PRELID2: variants seen among roughly 807,000 people sequenced by gnomAD.
PRELID2 encodes the protein PRELI domain containing 2, also known as PRELI domain-containing protein 2.
Under a neutral mutation model 28.4 loss-of-function variants are expected in PRELID2, and 25 were observed. That is an observed-to-expected ratio of 0.88 (90% CI 0.64 to 1.23). PRELID2 has a LOEUF of 1.23. Among genes scored for constraint, PRELID2 ranks in the 50% most tolerant of loss-of-function variants. The pLI is 0.00. For missense variants in PRELID2, 201 were observed against 214.4 expected (o/e 0.94, Z 0.39); for synonymous variants, 76 against 71.6 (o/e 1.06, Z -0.31).
At chr5:145,572,407 T>C (rs1236357120) in intron 1 of PRELID2, among the ~76,000 whole-genome samples, 1 of 152,184 alleles carries the variant, frequency 6.6e-6, no homozygotes, top group Non-Finnish European at 1.5e-5. Context: ...TTCACAGAGT[T>C]CTATTCTTTT....
At chr5:145,696,156 C>CTTTTTTTTTTTTTTT (rs10591669) in intron 1 of PRELID2, among the ~76,000 whole-genome samples, 14 of 60,004 alleles carry the variant, frequency 2.3e-4, no homozygotes, top group African/African-American at 2.0e-4. Flanking sequence ...TAAATAATAG[C>CTTTTTTTTTTTTTTT]TTTTTTTTTT....
chr5:145,395,838 C>T, the PRELID2 span, among the ~76,000 whole-genome samples: 2 of 152,124 alleles, frequency 1.3e-5, no homozygotes, highest in African/African-American at 4.8e-5. Flanking sequence ...GCCAGCCACT[C>T]ATGTTAAAAT....
intron 1 of PRELID2, among the ~76,000 whole-genome samples, chr5:145,654,273 A>G (rs1754352209): frequency 6.6e-6 from 1 of 152,212 alleles, no homozygotes; most frequent in South Asian, 2.1e-4. Flanking sequence ...TACCAGCCAA[A>G]AAAAGTCCAG....
chr5:145,445,328 G>A, the PRELID2 span, among the ~76,000 whole-genome samples: 1 of 151,994 alleles, frequency 6.6e-6, no homozygotes, highest in East Asian at 1.9e-4. Flanking sequence ...CTATTCATAT[G>A]CAGAAGAATA....
chr5:145,394,218 T>G, the PRELID2 span, among the ~76,000 whole-genome samples: 1 of 152,168 alleles, frequency 6.6e-6, no homozygotes, highest in Non-Finnish European at 1.5e-5. Flanking sequence ...TAAGAAAATT[T>G]GGCACATATA....
the PRELID2 span, among the ~76,000 whole-genome samples, chr5:145,269,310 T>C: frequency 1.9e-3 from 288 of 152,244 alleles, no homozygotes; most frequent in African/African-American, 6.6e-3. Context: ...AAATAGATCA[T>C]TGAAACAATA....
At chr5:145,608,989 G>T (rs560663885) in intron 1 of PRELID2, among the ~76,000 whole-genome samples, 3 of 151,856 alleles carry the variant, frequency 2.0e-5, no homozygotes, top group African/African-American at 7.3e-5. Flanking sequence ...TTTGTCTGAC[G>T]GAGTTATTTT....
At chr5:145,405,667 G>T in the PRELID2 span, among the ~76,000 whole-genome samples, 2 of 147,224 alleles carry the variant, frequency 1.4e-5, no homozygotes. Flanking sequence ...GAAAGCACAA[G>T]CAAGAGACAG....
At chr5:145,456,807 T>C in the PRELID2 span, among the ~76,000 whole-genome samples, 1 of 152,162 alleles carries the variant, frequency 6.6e-6, no homozygotes, top group Non-Finnish European at 1.5e-5. Context: ...TAACAATCTT[T>C]TACAGTTTTC....
At chr5:145,819,384 TC>T in intron 3 of PRELID2, 2 of 1,602,852 alleles carry the variant, frequency 1.2e-6, no homozygotes, top group Non-Finnish European at 1.7e-6. Flanking sequence ...CTCACCTTTT[TC>T]CAACAAAGAA....
At chr5:145,499,938 C>T (rs961030585) in intron 1 of PRELID2, among the ~76,000 whole-genome samples, 6 of 152,174 alleles carry the variant, frequency 3.9e-5, no homozygotes, top group Non-Finnish European at 8.8e-5. Flanking sequence ...ACCTGTAAAC[C>T]CCACACTTGG....
chr5:145,487,847 C>T (rs1322280197), intron 1 of PRELID2, among the ~76,000 whole-genome samples: 2 of 151,336 alleles, frequency 1.3e-5, no homozygotes, highest in Admixed American at 6.6e-5. Context: ...AATTGGAGGC[C>T]GGGCGCGTGG....
At chr5:145,566,108 T>A (rs1752965314) in intron 1 of PRELID2, among the ~76,000 whole-genome samples, 1 of 152,166 alleles carries the variant, frequency 6.6e-6, no homozygotes, top group African/African-American at 2.4e-5. Flanking sequence ...GGACTTCTGC[T>A]ATACCACGCA....
At chr5:145,640,312 A>C in intron 1 of PRELID2, among the ~76,000 whole-genome samples, 1 of 150,928 alleles carries the variant, frequency 6.6e-6, no homozygotes, top group Non-Finnish European at 1.5e-5. Context: ...GTCTCTACTA[A>C]AAAAATACAA....
chr5:145,326,522 C>T, the PRELID2 span, among the ~76,000 whole-genome samples: 7 of 152,134 alleles, frequency 4.6e-5, no homozygotes, highest in South Asian at 2.1e-4. Flanking sequence ...TGTTTTGTCT[C>T]GTATATGTTT....
chr5:145,834,079 G>A (rs1235802517), intron 1 of PRELID2, among the ~76,000 whole-genome samples: 1 of 152,190 alleles, frequency 6.6e-6, no homozygotes, highest in Non-Finnish European at 1.5e-5. Flanking sequence ...CAGTCTTTGG[G>A]ATTCAGGGCT....
Position 145,781,676 on chromosome 5 carries a change from T to TTA in PRELID2, c.474+14764_474+14765dup, listed in dbSNP as rs560846857. Among the ~76,000 whole-genome samples, 41 of 145,726 alleles carry TTA rather than the reference T, an allele frequency of 2.8e-4. No individual in the cohort carries two copies. In the East Asian group the frequency reaches 7.9e-3, roughly 28 times the overall value. On this transcript the variant is annotated intron_variant, in intron 5 of 6. Transcript: ENST00000683046. The stretch of plus-strand genomic sequence containing the variant: ...ATATATACACACTATATATATACAC[T>TTA]TATATATATACACTATATATACTAT...
At chr5:145,641,196 C>T (rs1734762543) in intron 1 of PRELID2, among the ~76,000 whole-genome samples, 1 of 151,484 alleles carries the variant, frequency 6.6e-6, no homozygotes, top group African/African-American at 2.4e-5. Context: ...AAAAAGACAC[C>T]ATCAATAAGT....
intron 1 of PRELID2, among the ~76,000 whole-genome samples, chr5:145,658,114 CAT>C (rs1313248858): frequency 6.6e-6 from 1 of 152,176 alleles, no homozygotes; most frequent in Non-Finnish European, 1.5e-5. Flanking sequence ...GTGAACAAGA[CAT>C]GTGTCTGCAA....
Sources: gnomAD v4.1 joint callset for allele counts (sites outside exome capture counted in the v4.1 genomes callset) on GRCh38, gnomAD v4.1.1 for gene constraint, MANE v1.5 for transcripts, NCBI Gene and HGNC (gene_info 2026-07-23, HGNC 2026-07-21) for gene names.